The following GLI2 variants were observed in gnomAD, a reference collection of about 807,000 sequenced individuals.
GLI2 encodes GLI family zinc finger 2, also known as transcription activator GLI2.
Under a neutral mutation model 78.9 loss-of-function variants are expected in GLI2, and 22 were observed. That is an observed-to-expected ratio of 0.28 (90% CI 0.20 to 0.40). The LOEUF (loss-of-function observed/expected upper bound fraction) is 0.40, where lower values mean the gene tolerates loss of function less well. Among genes scored for constraint, GLI2 ranks in the 10% least tolerant of loss-of-function variants. GLI2 has a pLI of 1.00. For missense variants in GLI2, 2,097 were observed against 2,213.2 expected (o/e 0.95, Z 1.05); for synonymous variants, 974 against 963.7 (o/e 1.01, Z -0.20).
intron 1 of GLI2, among the ~76,000 whole-genome samples, chr2:120,791,348 G>A (rs569474658): frequency 9.3e-4 from 141 of 152,308 alleles, no homozygotes; most frequent in African/African-American, 3.2e-3. Flanking sequence ...CTGGACTGGT[G>A]TCCCTGAGGT....
chr2:120,822,847 A>G (rs1685847127), intron 2 of GLI2, among the ~76,000 whole-genome samples: 1 of 152,154 alleles, frequency 6.6e-6, no homozygotes, highest in Admixed American at 6.5e-5. Context: ...CCAAATGGCA[A>G]ATTTCCCATC....
At chr2:120,747,093 G>A (rs750608829) in intron 1 of GLI2, among the ~76,000 whole-genome samples, 1 of 152,126 alleles carries the variant, frequency 6.6e-6, no homozygotes, top group Non-Finnish European at 1.5e-5. Context: ...CTGAAATTCT[G>A]TTTCCTTAAA....
intron 5 of GLI2, among the ~76,000 whole-genome samples, chr2:120,965,549 G>A (rs567334624): frequency 6.2e-5 from 9 of 145,832 alleles, no homozygotes; most frequent in Admixed American, 1.4e-4. Context: ...GCACACTCCA[G>A]CCGGGATGCA....
chr2:120,859,813 A>G (rs1687825094), intron 2 of GLI2, among the ~76,000 whole-genome samples: 1 of 148,768 alleles, frequency 6.7e-6, no homozygotes. Flanking sequence ...CTGGAGCGCA[A>G]TGGCACAATC....
chr2:120,808,524 C>G (rs1685069586), intron 2 of GLI2, among the ~76,000 whole-genome samples: 1 of 152,130 alleles, frequency 6.6e-6, no homozygotes, highest in African/African-American at 2.4e-5. Flanking sequence ...GAAAAACTTG[C>G]CAACGACACA....
chr2:120,921,661 G>A (rs992383522), intron 2 of GLI2, among the ~76,000 whole-genome samples: 3 of 152,134 alleles, frequency 2.0e-5, no homozygotes, highest in African/African-American at 7.2e-5. Context: ...GATTCCTGGC[G>A]GATGGGCACC....
At chr2:120,885,924 A>AT (rs1198690725) in intron 2 of GLI2, among the ~76,000 whole-genome samples, 1 of 152,230 alleles carries the variant, frequency 6.6e-6, no homozygotes, top group Admixed American at 6.5e-5. Context: ...TACTTCTGTC[A>AT]TTCTTTGGCT....
chr2:120,949,281 G>A (rs988382192), intron 3 of GLI2, among the ~76,000 whole-genome samples: 9 of 152,260 alleles, frequency 5.9e-5, no homozygotes, highest in African/African-American at 2.2e-4. Flanking sequence ...GGCAGGCTGT[G>A]AGTGAGAACG....
intron 2 of GLI2, among the ~76,000 whole-genome samples, chr2:120,836,628 C>T (rs1177607185): frequency 6.6e-6 from 1 of 152,116 alleles, no homozygotes; most frequent in Admixed American, 6.5e-5. Context: ...TAAAAAGATG[C>T]AATAGAAAAT....
rs1684008228 is a variant in GLI2 at position 120,786,741 on chromosome 2, TA to T, written c.-30-10549del. Among the ~76,000 whole-genome samples, 3 of 152,286 alleles carry T rather than the reference TA, an allele frequency of 2.0e-5. No individual in the cohort carries two copies. In the East Asian group the frequency reaches 5.8e-4, roughly 29 times the overall value. On this transcript the variant is annotated intron_variant, in intron 1 of 13. Coordinates refer to ENST00000361492, the MANE Select transcript of GLI2 (RefSeq NM_001374353.1). ...CCCATGGCAGACAGTACAAGTTGAC[TA>T]GTGTGCCTCCTGCAGCAGACATTAG...
intron 3 of GLI2, among the ~76,000 whole-genome samples, chr2:120,945,954 TTC>T (rs1173639832): frequency 3.0e-5 from 1 of 33,570 alleles, no homozygotes; most frequent in Non-Finnish European, 7.4e-5. Context: ...AGGCATAACC[TTC>T]TCACACACAC....
chr2:120,771,293 T>C (rs1489836864), intron 1 of GLI2, among the ~76,000 whole-genome samples: 2 of 152,200 alleles, frequency 1.3e-5, no homozygotes, highest in Non-Finnish European at 2.9e-5. Flanking sequence ...TCAGCACTCT[T>C]CTGGGCCCAA....
intron 2 of GLI2, among the ~76,000 whole-genome samples, chr2:120,831,819 G>A (rs923330931): frequency 6.6e-6 from 1 of 152,184 alleles, no homozygotes; most frequent in Non-Finnish European, 1.5e-5. Flanking sequence ...GTTGTTGTGA[G>A]GATTCAGTGA....
chr2:120,986,148 G>A, intron 12 of GLI2, 130 bp from the exon 13 acceptor site: 1 of 783,756 alleles, frequency 1.3e-6, no homozygotes, highest in Non-Finnish European at 2.2e-6. Flanking sequence ...TCCTCCGCAA[G>A]GCAGCTTCCT....
In GLI2 at chr2:120,988,422, C is replaced by T. The variant is rs1328340123; in HGVS notation, c.2457C>T (p.Ser819=). 1.3e-6 allele frequency: 2 copies of T among 1,574,418 alleles called. No individual in the cohort carries two copies. Among genetic ancestry groups the T allele is most frequent in the Admixed American group, 1.7e-5 (1 of 57,868 alleles). ...ISPYFSSRRS[S]EASPLGAGRP... ...CCTACTTCTCCAGCCGCCGCTCCAG[C>T]GAGGCCTCGCCCCTGGGCGCCGGCC... Residue 819 remains serine (S), a synonymous_variant, in exon 14 of 14, where the codon AGC becomes AGT. Coordinates refer to ENST00000361492, the MANE Select transcript of GLI2 (RefSeq NM_001374353.1).
At position 120,777,427 on chromosome 2, in the gene GLI2, C is replaced by T. The variant is rs80167753; in HGVS notation, c.-30-19864C>T. 2.9e-3 allele frequency among the ~76,000 whole-genome samples: 448 copies of T among 152,052 alleles called. 3 individuals are homozygous for T. The highest frequency in any genetic ancestry group is 0.01 in the African/African-American group (419 of 41,460). On this transcript the variant is annotated intron_variant, in intron 1 of 13. Coordinates refer to ENST00000361492, the MANE Select transcript of GLI2 (RefSeq NM_001374353.1). ...GTGGCACCAGTCCCTGTTTCCAGTG[C>T]CGTTTGGGCTGCAGGCTTAGAGGGT...
chr2:120,800,473 T>TTTATTATTATTATTATTATTA lies in GLI2; in HGVS notation c.148+3025_148+3026insATTATTATTATTATTATTATT, dbSNP rs142626503. Among the ~76,000 whole-genome samples, 47 of 148,552 alleles carry TTTATTATTATTATTATTATTA rather than the reference T, an allele frequency of 3.2e-4. No homozygotes were observed. Among genetic ancestry groups the TTTATTATTATTATTATTATTA allele is most frequent in the African/African-American group, 1.1e-3 (46 of 40,608 alleles). ...TTTGCTGTCTGGCGGAAAGGGATGA[T>TTTATTATTATTATTATTATTA]TTATTATTATTATTATTATTTTATT... On this transcript the variant is annotated intron_variant, in intron 2 of 13. Transcript: ENST00000361492. This position sits in a 1 kb window ranked among gnomAD's most constrained non-coding sequence, Gnocchi z 4.1.
intron 2 of GLI2, among the ~76,000 whole-genome samples, chr2:120,898,217 A>ACACAC (rs1490855387): frequency 1.9e-5 from 2 of 104,620 alleles, no homozygotes; most frequent in East Asian, 5.0e-4. Flanking sequence ...CACACACACA[A>ACACAC]AATGATTGTC....
At position 120,990,497 on chromosome 2, in the gene GLI2, C is replaced by T. The variant is rs1683247967; in HGVS notation, c.4532C>T (p.Ala1511Val). The change falls in exon 14 of 14, where the codon GCT (alanine) becomes GTT (valine). Residue 1511 changes from alanine (A) to valine (V), a missense_variant. Physicochemically the swap from Ala to Val is moderately conservative, Grantham distance 64. Transcript: ENST00000361492. ...DGDHSSLFSG[A>V]LSPSLLHSLS... ...GATCACTCGAGTTTGTTCTCGGGTG[C>T]TCTGAGCCCCAGCCTCCTCCACAGC... 4 of 1,613,974 alleles carry T rather than the reference C, an allele frequency of 2.5e-6. No individual in the cohort carries two copies. The highest frequency in any genetic ancestry group is 3.4e-6 in the Non-Finnish European group (4 of 1,179,952).
Sources: gnomAD v4.1 joint callset for allele counts (sites outside exome capture counted in the v4.1 genomes callset) on GRCh38, gnomAD v4.1.1 for gene constraint, Gnocchi (gnomAD v3.1) non-coding constraint, MANE v1.5 for transcripts, NCBI Gene and HGNC (gene_info 2026-07-23, HGNC 2026-07-21) for gene names.